RNF150: variants seen among roughly 807,000 people sequenced by gnomAD.
The protein encoded by RNF150 is ring finger protein 150.
In RNF150, 24 loss-of-function variants were observed where a neutral mutation model predicts 39.3. The observed-to-expected ratio is 0.61, with a 90% CI of 0.44 to 0.86. The LOEUF (loss-of-function observed/expected upper bound fraction) is 0.86. Among genes scored for constraint, RNF150 ranks in the 40% least tolerant of loss-of-function variants. RNF150 has a pLI of 0.00. For synonymous variants in RNF150, 255 were observed against 227.3 expected (o/e 1.12, Z -1.10); for missense variants, 502 against 587.8 (o/e 0.85, Z 1.51).
chr4:141,132,184 A>T lies in RNF150; in HGVS notation c.484+141T>A, dbSNP rs937065983. On this transcript the variant is annotated intron_variant, in intron 1 of 6. Coordinates refer to ENST00000515673, the MANE Select transcript of RNF150 (RefSeq NM_020724.2). This position sits in a 1 kb window ranked among gnomAD's most constrained non-coding sequence, Gnocchi z 4.9. The stretch of plus-strand genomic sequence containing the variant: ...AAACCCCCCAAGTGACGCGGAGCAA[A>T]ACTTAATCGGTCCAGGGAACCCAGA... 1.1e-5 allele frequency: 9 copies of T among 856,914 alleles called. No homozygotes were observed. The African/African-American group carries it at 1.6e-4, about 15-fold the overall frequency. The allele number at this position is 856,914 out of a possible 1,614,324, so 53.1% of individuals were successfully genotyped here.
At chr4:141,079,797 A>G (rs1578705299) in intron 1 of RNF150, among the ~76,000 whole-genome samples, 1 of 152,226 alleles carries the variant, frequency 6.6e-6, no homozygotes, top group Admixed American at 6.5e-5. Context: ...TTTATGTCCT[A>G]ACACTGTGTG....
chr4:141,114,374 CCT>C (rs771243794), intron 1 of RNF150, among the ~76,000 whole-genome samples: 10 of 152,134 alleles, frequency 6.6e-5, no homozygotes, highest in Non-Finnish European at 1.3e-4. Flanking sequence ...ACTATAACCA[CCT>C]CTATGCAAAT....
At position 140,924,507 on chromosome 4, in the gene RNF150, A is replaced by T. The variant is rs150798775; in HGVS notation, c.987+1470T>A. Reference sequence around the variant, plus strand: ...AAAATACCCTGAACAATAGGAACACATCAAAGGATGCAACTGTCTCTGTCT... The same window carrying T: ...AAAATACCCTGAACAATAGGAACACTTCAAAGGATGCAACTGTCTCTGTCT... On this transcript the variant is annotated intron_variant, in intron 5 of 6. Coordinates refer to ENST00000515673, the MANE Select transcript of RNF150 (RefSeq NM_020724.2). 2.0e-3 allele frequency among the ~76,000 whole-genome samples: 303 copies of T among 152,308 alleles called. 1 individual carries two copies. Among genetic ancestry groups the T allele is most frequent in the African/African-American group, 6.9e-3 (288 of 41,552 alleles).
intron 1 of RNF150, among the ~76,000 whole-genome samples, chr4:141,192,216 C>A (rs1392324685): frequency 6.6e-6 from 1 of 152,128 alleles, no homozygotes; most frequent in East Asian, 1.9e-4. Context: ...TAATTTGATT[C>A]TCTCTCCATT....
intron 1 of RNF150, among the ~76,000 whole-genome samples, chr4:141,200,769 A>G (rs1207935397): frequency 6.6e-6 from 1 of 152,232 alleles, no homozygotes; most frequent in Non-Finnish European, 1.5e-5. Flanking sequence ...AAGCATCATC[A>G]AGAAAAATCT....
chr4:140,940,551 CAGCA>C (rs1403071007), intron 4 of RNF150, among the ~76,000 whole-genome samples: 2 of 152,178 alleles, frequency 1.3e-5, no homozygotes, highest in Admixed American at 1.3e-4. Context: ...AGTAGGAGAT[CAGCA>C]AGACTTGTTT....
intron 1 of RNF150, among the ~76,000 whole-genome samples, chr4:141,199,542 C>G (rs897691539): frequency 6.6e-6 from 1 of 152,114 alleles, no homozygotes; most frequent in Non-Finnish European, 1.5e-5. Context: ...CTGGTACACT[C>G]AATAATGTGG....
intron 2 of RNF150, among the ~76,000 whole-genome samples, chr4:140,956,779 A>T (rs1673286387): frequency 6.6e-6 from 1 of 152,206 alleles, no homozygotes; most frequent in African/African-American, 2.4e-5. Flanking sequence ...ATCTTTGACA[A>T]ACCTGAGAAA....
At chr4:141,178,632 T>C (rs1727856507) in intron 1 of RNF150, among the ~76,000 whole-genome samples, 1 of 152,030 alleles carries the variant, frequency 6.6e-6, no homozygotes, top group Admixed American at 6.6e-5. Context: ...ACAAGTTCCT[T>C]AGGGTTAGTG....
intron 2 of RNF150, among the ~76,000 whole-genome samples, chr4:140,961,186 C>T (rs1733009190): frequency 6.6e-6 from 1 of 152,124 alleles, no homozygotes; most frequent in Non-Finnish European, 1.5e-5. Flanking sequence ...TCCATGTTAC[C>T]ATCTAAAAGA....
At chr4:140,925,676 G>A (rs1731371339) in intron 5 of RNF150, among the ~76,000 whole-genome samples, 1 of 152,138 alleles carries the variant, frequency 6.6e-6, no homozygotes, top group Non-Finnish European at 1.5e-5. Flanking sequence ...GGGTGTATCT[G>A]CTGCCGTCCC....
chr4:141,087,242 T>C (rs1240689896), intron 1 of RNF150, among the ~76,000 whole-genome samples: 1 of 152,198 alleles, frequency 6.6e-6, no homozygotes, highest in South Asian at 2.1e-4. Context: ...CAGTATTTAG[T>C]TTTCTGTTCC....
At chr4:141,067,509 G>C (rs150933533) in intron 1 of RNF150, among the ~76,000 whole-genome samples, 130 of 152,284 alleles carry the variant, frequency 8.5e-4, no homozygotes, top group African/African-American at 3.0e-3. Context: ...CAATATGAAA[G>C]AACCAGAGAG....
intron 1 of RNF150, among the ~76,000 whole-genome samples, chr4:141,209,694 G>T (rs538554110): frequency 1.5e-4 from 23 of 152,014 alleles, no homozygotes; most frequent in African/African-American, 4.6e-4. Context: ...TGGATTCATA[G>T]TTAAAACCAA....
intron 1 of RNF150, among the ~76,000 whole-genome samples, chr4:141,143,101 C>A (rs1210035294): frequency 4.6e-5 from 7 of 152,128 alleles, no homozygotes; most frequent in African/African-American, 1.7e-4. Flanking sequence ...AACTCCTGAG[C>A]TCAGGCTATC....
intron 1 of RNF150, among the ~76,000 whole-genome samples, chr4:140,999,670 C>G (rs1455617160): frequency 1.3e-5 from 2 of 152,048 alleles, no homozygotes; most frequent in Admixed American, 6.6e-5. Flanking sequence ...TGCGGCGGCT[C>G]ACATCTGTAA....
At chr4:141,060,155 T>G (rs1014541584) in intron 1 of RNF150, among the ~76,000 whole-genome samples, 1 of 152,164 alleles carries the variant, frequency 6.6e-6, no homozygotes, top group African/African-American at 2.4e-5. Context: ...TAAATAAAAT[T>G]TATGTTCAGA....
intron 1 of RNF150, among the ~76,000 whole-genome samples, chr4:141,075,084 C>T (rs552283530): frequency 6.6e-6 from 1 of 152,330 alleles, no homozygotes; most frequent in Non-Finnish European, 1.5e-5. Flanking sequence ...GTCTGAGGAA[C>T]TGAATACAGA....
intron 1 of RNF150, among the ~76,000 whole-genome samples, chr4:140,984,628 C>A (rs553271166): frequency 4.6e-5 from 7 of 152,128 alleles, no homozygotes; most frequent in African/African-American, 1.4e-4. Flanking sequence ...CTATCCCATA[C>A]ATTTTAGTGC....
Sources: allele counts gnomAD v4.1 joint callset (sites outside exome capture counted in the v4.1 genomes callset), GRCh38; gene constraint gnomAD v4.1.1; non-coding constraint Gnocchi (gnomAD v3.1); transcripts MANE v1.5; gene names NCBI Gene and HGNC (gene_info 2026-07-23, HGNC 2026-07-21).